ANKRD28: variants seen among roughly 807,000 people sequenced by gnomAD.
ANKRD28 encodes serine/threonine-protein phosphatase 6 regulatory ankyrin repeat subunit A.
A neutral mutation model predicts 126.5 loss-of-function variants in ANKRD28; 44 were observed. The ratio of observed to expected loss-of-function variants is 0.35; its 90% confidence interval spans 0.27 to 0.45. ANKRD28 has a LOEUF of 0.45. Among genes scored for constraint, ANKRD28 ranks in the 20% least tolerant of loss-of-function variants. The pLI is 1.00. For synonymous variants in ANKRD28, 442 were observed against 468.5 expected (o/e 0.94, Z 0.73); for missense variants, 1,110 against 1,316.6 (o/e 0.84, Z 2.43).
chr3:15,737,356 C>T (rs1396481717), intron 4 of ANKRD28, 123 bp from the exon 5 acceptor site: 1 of 827,628 alleles, frequency 1.2e-6, no homozygotes, highest in East Asian at 2.7e-5. Context: ...AAAAAGCTCT[C>T]ATAGAACTCA....
chr3:15,762,224 A>AAAAAAAAAC (rs2058522633), intron 3 of ANKRD28, among the ~76,000 whole-genome samples: 6 of 107,700 alleles, frequency 5.6e-5, no homozygotes, highest in African/African-American at 2.0e-4. Flanking sequence ...CAAAACAAAA[A>AAAAAAAAAC]AAAAAAAACT....
chr3:15,695,884 G>C (rs1401582373), intron 15 of ANKRD28, among the ~76,000 whole-genome samples: 1 of 152,092 alleles, frequency 6.6e-6, no homozygotes, highest in Non-Finnish European at 1.5e-5. Context: ...GGCAGGAGAA[G>C]TAAATAGTGT....
chr3:15,825,066 A>C (rs968525750), intron 1 of ANKRD28, among the ~76,000 whole-genome samples: 1 of 152,242 alleles, frequency 6.6e-6, no homozygotes, highest in Non-Finnish European at 1.5e-5. Flanking sequence ...TGCTTGGCTT[A>C]TCTGTTGTAA....
upstream of ANKRD28, among the ~76,000 whole-genome samples, chr3:15,802,968 T>TA (rs957338787): frequency 4.0e-5 from 6 of 151,256 alleles, no homozygotes; most frequent in African/African-American, 7.3e-5. Flanking sequence ...AATTCTCGAA[T>TA]AAAAAAAAAT....
intron 7 of ANKRD28, among the ~76,000 whole-genome samples, chr3:15,721,486 G>C (rs1320456009): frequency 3.3e-5 from 5 of 152,078 alleles, no homozygotes; most frequent in Admixed American, 3.3e-4. Flanking sequence ...CATAAAAAAT[G>C]AACACAAACT....
At chr3:15,806,211 CA>C (rs2060574250) in intron 1 of ANKRD28, among the ~76,000 whole-genome samples, 1 of 152,160 alleles carries the variant, frequency 6.6e-6, no homozygotes, top group Non-Finnish European at 1.5e-5. Context: ...ATGCTTGTAA[CA>C]ATGTTAATTC....
chr3:15,800,987 A>G (rs2060453173), upstream of ANKRD28, among the ~76,000 whole-genome samples: 1 of 152,146 alleles, frequency 6.6e-6, no homozygotes, highest in African/African-American at 2.4e-5. Flanking sequence ...AGAAACAGAG[A>G]AAGTACTTCT....
chr3:15,745,607 T>C (rs1242607216), intron 4 of ANKRD28, among the ~76,000 whole-genome samples: 1 of 152,198 alleles, frequency 6.6e-6, no homozygotes, highest in Admixed American at 6.5e-5. Context: ...TTTTGGTGAC[T>C]ATGGCCTTAT....
In ANKRD28 at chr3:15,814,997, G is replaced by A. The variant is rs1409442228; in HGVS notation, c.28-19691C>T. The stretch of plus-strand genomic sequence containing the variant: ...TAACAATGTGGACCTTAAATATTCC[G>A]CAACACCCTGAATATGACATTCCAT... On this transcript the variant is annotated intron_variant, in intron 1 of 27. Coordinates refer to the ANKRD28 transcript ENST00000399451. This position sits in a 1 kb window ranked among gnomAD's most constrained non-coding sequence, Gnocchi z 4.7. Among the ~76,000 whole-genome samples the A allele has an allele frequency of 2.7e-5, 4 of 150,834 alleles. No homozygotes were observed. The highest frequency in any genetic ancestry group is 1.9e-4 in the East Asian group (1 of 5,160).
At chr3:15,783,423 G>A (rs1479790883) in intron 2 of ANKRD28, among the ~76,000 whole-genome samples, 3 of 151,932 alleles carry the variant, frequency 2.0e-5, no homozygotes, top group African/African-American at 7.2e-5. Flanking sequence ...TCCTGCTGGT[G>A]AGAACGTAAA....
rs79877894 is a variant in ANKRD28 at position 15,813,764 on chromosome 3, C to A, written c.28-18458G>T. On this transcript the variant is annotated intron_variant, in intron 1 of 27. Coordinates refer to the ANKRD28 transcript ENST00000399451. The stretch of plus-strand genomic sequence containing the variant: ...CTTTCATGAAAACATAGGAGTCACT[C>A]AAATAATTGAGGTTCCCCAGTGATT... 5.1e-3 allele frequency among the ~76,000 whole-genome samples: 775 copies of A among 152,266 alleles called. 7 individuals carry two copies. The highest frequency in any genetic ancestry group is 0.018 in the African/African-American group (747 of 41,558).
chr3:15,797,211 A>G lies in ANKRD28; in HGVS notation c.-690T>C, dbSNP rs1224788729. ...GGGAAAGGGGCAAAAAACAAAAACA[A>G]AAAAAAAAAAACCACTCTGCATTAA... On this transcript the variant is annotated 5_prime_UTR_variant, in exon 1 of 28. Coordinates refer to ENST00000683139, the MANE Select transcript of ANKRD28 (RefSeq NM_001349278.2). 5.9e-6 allele frequency: 4 copies of G among 676,942 alleles called. No individual in the cohort carries two copies. The highest frequency in any genetic ancestry group is 1.5e-4 in the South Asian group (2 of 13,264). The allele number at this position is 676,942 out of a possible 1,614,324, so 41.9% of individuals were successfully genotyped here.
At chr3:15,711,935 ATC>A (rs896390786) in intron 11 of ANKRD28, among the ~76,000 whole-genome samples, 1 of 151,796 alleles carries the variant, frequency 6.6e-6, no homozygotes, top group African/African-American at 2.4e-5. Flanking sequence ...ACCTCAAGTG[ATC>A]TGCCTGTCTC....
chr3:15,801,479 G>A (rs2060464901), upstream of ANKRD28, among the ~76,000 whole-genome samples: 1 of 152,154 alleles, frequency 6.6e-6, no homozygotes, highest in Non-Finnish European at 1.5e-5. The surrounding 1 kb of genome is among the most constrained non-coding windows in gnomAD (Gnocchi z 4.9). Context: ...GCTGGTCTCT[G>A]AGTATTTGAA....
intron 1 of ANKRD28, 26 bp downstream of exon 1, chr3:15,796,379 T>G: frequency 8.0e-7 from 1 of 1,254,604 alleles, no homozygotes; most frequent in Non-Finnish European, 1.0e-6. Context: ...TAGAATATAG[T>G]AAACATATAA....
In ANKRD28 at chr3:15,751,698, C is replaced by T. The variant is rs906574037; in HGVS notation, c.351+52G>A. 103 of 1,144,718 alleles carry T rather than the reference C, an allele frequency of 9.0e-5. 1 individual carries two copies. Among genetic ancestry groups the T allele is most frequent in the African/African-American group, 2.6e-4 (17 of 64,378 alleles). The allele number at this position is 1,144,718 out of a possible 1,614,324, so 70.9% of individuals were successfully genotyped here. On this transcript the variant is annotated intron_variant, in intron 4 of 27. Coordinates refer to ENST00000683139, the MANE Select transcript of ANKRD28 (RefSeq NM_001349278.2). The stretch of plus-strand genomic sequence containing the variant: ...GAATTTGAATATGGATTCAGGGGTA[C>T]GCCTATTTAATGTTTTCATATAAAA...
intron 2 of ANKRD28, chr3:15,781,551 T>C (rs766916199): frequency 6.6e-6 from 1 of 152,056 alleles, no homozygotes; most frequent in Non-Finnish European, 1.5e-5. Context: ...ATATTAATAA[T>C]AAAAAGTAGA....
intron 18 of ANKRD28, among the ~76,000 whole-genome samples, chr3:15,688,231 T>C (rs921632269): frequency 3.3e-5 from 5 of 152,234 alleles, no homozygotes; most frequent in Admixed American, 1.3e-4. Flanking sequence ...TTTCTAGCTA[T>C]AGATTAATAT....
In ANKRD28 at chr3:15,814,532, T is replaced by C. The variant is rs984863737; in HGVS notation, c.28-19226A>G. Among the ~76,000 whole-genome samples the C allele has an allele frequency of 1.3e-5, 2 of 152,182 alleles. No homozygotes were observed. Among genetic ancestry groups the C allele is most frequent in the Admixed American group, 1.3e-4 (2 of 15,288 alleles). On this transcript the variant is annotated intron_variant, in intron 1 of 27. Coordinates refer to the ANKRD28 transcript ENST00000399451. This position sits in a 1 kb window ranked among gnomAD's most constrained non-coding sequence, Gnocchi z 4.7. ...ACATTTTTTAAAGGCTTTCTTTATA[T>C]ATTAAACAGAATTGGCTTCCCAGAA...
Sources: allele counts gnomAD v4.1 joint callset (sites outside exome capture counted in the v4.1 genomes callset), GRCh38; gene constraint gnomAD v4.1.1; non-coding constraint Gnocchi (gnomAD v3.1); transcripts MANE v1.5; gene names NCBI Gene and HGNC (gene_info 2026-07-23, HGNC 2026-07-21).